MEI1: variants seen among roughly 807,000 people sequenced by gnomAD.
The protein encoded by MEI1 is meiotic double-stranded break formation protein 1, also known as meiosis inhibitor protein 1.
A neutral mutation model predicts 146.2 loss-of-function variants in MEI1; 103 were observed. The ratio of observed to expected loss-of-function variants is 0.70; its 90% CI spans 0.60 to 0.83. MEI1 has a LOEUF of 0.83. Among genes scored for constraint, MEI1 ranks in the 40% least tolerant of loss-of-function variants. The probability of loss-of-function intolerance (pLI) is 0.00; values close to 1 mark genes in which losing one functional copy is unlikely to be tolerated. For synonymous variants in MEI1, 652 were observed against 628.2 expected, an observed-to-expected ratio of 1.04 and a Z score of -0.57; for missense variants, 1,529 against 1,533.0, an observed-to-expected ratio of 1.00 and a Z score of 0.04.
Position 41,699,542 on chromosome 22 carries a change from G to C in MEI1, c.4G>C (p.Ala2Pro). The change falls in exon 1 of 31, where the codon GCT becomes CCT. Residue 2 changes from alanine (A) to proline (P), a missense_variant. Ala to Pro is a conservative substitution (Grantham distance 27). This residue lies in a region of MEI1 where 1,212 missense variants were observed against 1,178.9 expected (regional missense o/e 1.03). Transcript: ENST00000401548. The stretch of plus-strand genomic sequence containing the variant: ...TCAGCTGAGGGCAAGCGAGGAGATG[G>C]CTGTGAGGCAGGCGGCGACGGCGGG... M[A>P]VRQAATAGTP... 2 of 1,610,374 alleles carry C rather than the reference G, an allele frequency of 1.2e-6. No individual in the cohort carries two copies. The highest frequency in any genetic ancestry group is 1.7e-6 in the Non-Finnish European group (2 of 1,178,526).
intron 18 of MEI1, among the ~76,000 whole-genome samples, chr22:41,759,708 AG>A (rs1188292204): frequency 6.6e-6 from 1 of 152,102 alleles, no homozygotes; most frequent in East Asian, 1.9e-4. Flanking sequence ...AGGCGCCTGT[AG>A]TCCCAGCTAC....
intron 26 of MEI1, among the ~76,000 whole-genome samples, chr22:41,790,442 G>A (rs1409778735): frequency 6.6e-6 from 1 of 152,006 alleles, no homozygotes; most frequent in African/African-American, 2.4e-5. Flanking sequence ...CATACATTCA[G>A]CAAATATTTA....
rs904125680 is a variant in MEI1 at position 41,776,184 on chromosome 22, T to G, written c.2627T>G (p.Ile876Ser). The G allele has an allele frequency of 3.1e-6, 5 of 1,613,866 alleles. No individual in the cohort carries two copies. The highest frequency in any genetic ancestry group is 3.3e-4 in the Middle Eastern group (2 of 6,084). ...LRTFLRRNEDIQVGGLIRGHF... is the reference protein window; with the variant it reads ...LRTFLRRNEDSQVGGLIRGHF... ...ACCTTCCTGAGGAGGAATGAGGATA[T>G]CCAAGTGGGCGGTCTTATCCGAGGC... The change falls in exon 21 of 31, where the codon ATC becomes AGC. Residue 876 changes from isoleucine to serine, a missense_variant. Around this residue, in one of 3 missense-constraint regions of MEI1, gnomAD observed 1,212 missense variants for 1,178.9 expected, o/e 1.03. Transcript: ENST00000401548.
chr22:41,750,621 C>T (rs1202924963), intron 15 of MEI1, among the ~76,000 whole-genome samples: 1 of 152,088 alleles, frequency 6.6e-6, no homozygotes, highest in Non-Finnish European at 1.5e-5. Context: ...ATTTTTTCTA[C>T]CCCCTAAGAT....
chr22:41,789,555 T>C (rs2076102787), intron 26 of MEI1, among the ~76,000 whole-genome samples: 2 of 152,192 alleles, frequency 1.3e-5, no homozygotes, highest in African/African-American at 4.8e-5. Context: ...TACATTCACA[T>C]TGTTGTGCAA....
At chr22:41,757,749 G>T (rs995126347) in intron 17 of MEI1, among the ~76,000 whole-genome samples, 2 of 152,140 alleles carry the variant, frequency 1.3e-5, no homozygotes, top group African/African-American at 4.8e-5. Flanking sequence ...GTCTCATTAT[G>T]TGTCTCTTCC....
intron 11 of MEI1, among the ~76,000 whole-genome samples, chr22:41,735,048 G>A (rs946143938): frequency 4.0e-5 from 6 of 150,922 alleles, no homozygotes; most frequent in South Asian, 2.1e-4. Context: ...TGCAACCTCC[G>A]CCTCCCAGGT....
At chr22:41,705,410 A>G (rs1297791115) in intron 2 of MEI1, 94 bp from the exon 3 acceptor site, 23 of 1,011,418 alleles carry the variant, frequency 2.3e-5, no homozygotes, top group Non-Finnish European at 3.3e-5. Context: ...GACCTCAGGT[A>G]ATCTGCCACC....
At chr22:41,717,433 G>C (rs951273589) in intron 5 of MEI1, among the ~76,000 whole-genome samples, 6 of 152,002 alleles carry the variant, frequency 3.9e-5, no homozygotes, top group African/African-American at 1.5e-4. Context: ...AAAGTGGTGG[G>C]ATTACAGCCA....
intron 8 of MEI1, among the ~76,000 whole-genome samples, 175 bp from the exon 9 acceptor site, chr22:41,730,346 C>T (rs1468296446): frequency 6.6e-6 from 1 of 152,194 alleles, no homozygotes; most frequent in Non-Finnish European, 1.5e-5. Context: ...AAACCATAAC[C>T]AAGGGCACTT....
At chr22:41,772,583 A>C (rs2075240965) in intron 20 of MEI1, among the ~76,000 whole-genome samples, 1 of 152,142 alleles carries the variant, frequency 6.6e-6, no homozygotes, top group Admixed American at 6.5e-5. Flanking sequence ...TGGCCTCCCA[A>C]AGTGTTGGGA....
chr22:41,699,515 C>T lies in MEI1; in HGVS notation c.-24C>T. 2 of 1,598,128 alleles carry T rather than the reference C, an allele frequency of 1.3e-6. No individual in the cohort carries two copies. The highest frequency in any genetic ancestry group is 1.7e-6 in the Non-Finnish European group (2 of 1,172,502). On this transcript the variant is annotated 5_prime_UTR_variant, in exon 1 of 31. Coordinates refer to ENST00000401548, the MANE Select transcript of MEI1 (RefSeq NM_152513.4). The stretch of plus-strand genomic sequence containing the variant: ...GCAGTCTGCGCGGGAAAGAGTGCCG[C>T]CTCAGCTGAGGGCAAGCGAGGAGAT...
intron 26 of MEI1, among the ~76,000 whole-genome samples, chr22:41,791,195 C>T (rs139553): frequency 0.34 from 52,207 of 151,924 alleles, 11,417 homozygotes; most frequent in African/African-American, 0.59. Flanking sequence ...TGTTTGAAAG[C>T]TCTCTCTCGG....
chr22:41,786,418 C>G (rs2075988144), intron 26 of MEI1, among the ~76,000 whole-genome samples: 1 of 152,188 alleles, frequency 6.6e-6, no homozygotes, highest in Admixed American at 6.6e-5. Context: ...GTCCTGGGGT[C>G]AATACTGGCT....
Position 41,740,728 on chromosome 22 carries a change from TCAAAAA to T in MEI1, c.1332-2329_1332-2324del, listed in dbSNP as rs113925419. Reference sequence around the variant, plus strand: ...CTGGGCAGCAGAGCGAGACCCTGTCTCAAAAACAAAAACAAAAACAAAAACAAACCC... The same window carrying T: ...CTGGGCAGCAGAGCGAGACCCTGTCTCAAAAACAAAAACAAAAACAAACCC... On this transcript the variant is annotated intron_variant, in intron 11 of 30. Coordinates refer to ENST00000401548, the MANE Select transcript of MEI1 (RefSeq NM_152513.4). Among the ~76,000 whole-genome samples the T allele has an allele frequency of 4.2e-3, 643 of 151,698 alleles. 5 individuals are homozygous for T. The highest frequency in any genetic ancestry group is 0.014 in the Middle Eastern group (4 of 294).
chr22:41,707,850 G>T (rs879885786), intron 3 of MEI1, among the ~76,000 whole-genome samples: 1 of 152,186 alleles, frequency 6.6e-6, no homozygotes, highest in African/African-American at 2.4e-5. Flanking sequence ...AATGTGATTT[G>T]CAGAGTCCAG....
chr22:41,769,180 A>G (rs953985366), intron 19 of MEI1, among the ~76,000 whole-genome samples: 1 of 152,222 alleles, frequency 6.6e-6, no homozygotes, highest in Non-Finnish European at 1.5e-5. Flanking sequence ...GCAAAAAACT[A>G]TAGTAATCAG....
intron 11 of MEI1, among the ~76,000 whole-genome samples, chr22:41,735,193 A>ACCTC (rs1445537336): frequency 7.3e-6 from 1 of 137,284 alleles, no homozygotes; most frequent in Non-Finnish European, 1.5e-5. Flanking sequence ...CGATCTCCTG[A>ACCTC]CCTCGTGATC....
chr22:41,701,358 C>T (rs932540629), intron 1 of MEI1, among the ~76,000 whole-genome samples: 13 of 150,824 alleles, frequency 8.6e-5, no homozygotes, highest in African/African-American at 1.5e-4. Context: ...GGGCCGGGTC[C>T]GGTGGCTCAC....
Sources: gnomAD v4.1 joint callset for allele counts (sites outside exome capture counted in the v4.1 genomes callset) on GRCh38, gnomAD v4.1.1 for gene constraint, gnomAD v4.1.1 regional missense constraint, MANE v1.5 for transcripts, NCBI Gene and HGNC (gene_info 2026-07-23, HGNC 2026-07-21) for gene names.